Variants in PAH observed in about 807,000 individuals in gnomAD.
PAH encodes phenylalanine-4-hydroxylase.
In PAH, 64 loss-of-function variants were observed where a neutral mutation model predicts 62.0. The ratio of observed to expected loss-of-function variants is 1.03; its 90% CI spans 0.84 to 1.27. The LOEUF (loss-of-function observed/expected upper bound fraction) is 1.27. Among genes scored for constraint, PAH ranks in the 50% most tolerant of loss-of-function variants. The pLI, the probability that PAH is intolerant of heterozygous loss-of-function variation, is 0.00. For missense variants in PAH, 579 were observed against 542.8 expected (o/e 1.07, Z -0.66); for synonymous variants, 195 against 196.2 (o/e 0.99, Z 0.05).
At chr12:102,931,633 T>C (rs1391112738) in intron 1 of PAH, among the ~76,000 whole-genome samples, 1 of 152,210 alleles carries the variant, frequency 6.6e-6, no homozygotes, top group East Asian at 1.9e-4. Context: ...CATTGCTACT[T>C]CCCTCAATCT....
intron 2 of PAH, among the ~76,000 whole-genome samples, chr12:102,908,732 A>G (rs2136722255): frequency 6.6e-6 from 1 of 152,334 alleles, no homozygotes; most frequent in South Asian, 2.1e-4. Context: ...CACGTTATAA[A>G]CGAAAGACCA....
intron 2 of PAH, among the ~76,000 whole-genome samples, chr12:102,895,869 A>AAAAAAAATATAT (rs953209518): frequency 8.4e-6 from 1 of 118,744 alleles, no homozygotes; most frequent in African/African-American, 3.6e-5. Context: ...AAAAAAAAAA[A>AAAAAAAATATAT]ATATATATAT....
At chr12:102,880,837 A>C (rs1245373833) in intron 3 of PAH, among the ~76,000 whole-genome samples, 1 of 152,178 alleles carries the variant, frequency 6.6e-6, no homozygotes, top group Non-Finnish European at 1.5e-5. Context: ...GGAAATGGAA[A>C]GTGATGGGGA....
intron 2 of PAH, 67 bp from the exon 3 acceptor site, chr12:102,894,985 C>G: frequency 8.6e-7 from 1 of 1,165,304 alleles, no homozygotes; most frequent in South Asian, 1.2e-5. Flanking sequence ...AGATGCAGAA[C>G]CAGAACAGGA....
chr12:102,867,089 G>C (rs1876013393), intron 4 of PAH, among the ~76,000 whole-genome samples: 1 of 152,162 alleles, frequency 6.6e-6, no homozygotes, highest in South Asian at 2.1e-4. Flanking sequence ...TATTGCTCTT[G>C]CAATTTTTAA....
intron 4 of PAH, 68 bp downstream of exon 4, chr12:102,877,394 G>T: frequency 1.9e-6 from 2 of 1,060,688 alleles, no homozygotes; most frequent in Admixed American, 1.7e-5. Context: ...AGTAGAGAAG[G>T]TAAGAGGAAG....
At chr12:102,955,644 T>C (rs1355644896), upstream of PAH, among the ~76,000 whole-genome samples, 3 of 152,180 alleles carry the variant, frequency 2.0e-5, no homozygotes, top group African/African-American at 7.2e-5. Flanking sequence ...TAATTCCTAT[T>C]TCTGCAAGTG....
chr12:102,928,403 A>G (rs1237595155), intron 1 of PAH, among the ~76,000 whole-genome samples: 1 of 152,122 alleles, frequency 6.6e-6, no homozygotes, highest in Non-Finnish European at 1.5e-5. Context: ...AGTCTGAGAT[A>G]TTGTAGTCTT....
chr12:102,886,648 A>G (rs1877054184), intron 3 of PAH, among the ~76,000 whole-genome samples: 3 of 152,100 alleles, frequency 2.0e-5, no homozygotes. Flanking sequence ...TCACTCCAGG[A>G]GCACTTATTT....
intron 4 of PAH, 39 bp downstream of exon 4, chr12:102,877,423 G>A (rs772254181): frequency 1.0e-5 from 14 of 1,379,584 alleles, no homozygotes; most frequent in Middle Eastern, 1.8e-4. Flanking sequence ...GTGGAGGAGA[G>A]GCACTGAAAA....
intron 5 of PAH, among the ~76,000 whole-genome samples, chr12:102,866,024 A>T (rs1025156786): frequency 6.6e-6 from 1 of 151,416 alleles, no homozygotes; most frequent in Non-Finnish European, 1.5e-5. Flanking sequence ...AACATGTTTT[A>T]TATTTGCATT....
intron 1 of PAH, among the ~76,000 whole-genome samples, chr12:102,945,608 G>A (rs1879464835): frequency 6.6e-6 from 1 of 152,124 alleles, no homozygotes; most frequent in South Asian, 2.1e-4. Flanking sequence ...AGTACTGCCA[G>A]GCTATCACTG....
chr12:102,868,677 A>T (rs947331720), intron 4 of PAH, among the ~76,000 whole-genome samples: 1 of 151,922 alleles, frequency 6.6e-6, no homozygotes, highest in Non-Finnish European at 1.5e-5. Context: ...AAAAAAAAAT[A>T]AAACTGGGCA....
At chr12:102,922,431 A>T (rs1337595810) in intron 1 of PAH, among the ~76,000 whole-genome samples, 2 of 152,086 alleles carry the variant, frequency 1.3e-5, no homozygotes, top group East Asian at 3.8e-4. Flanking sequence ...TGAACTCATG[A>T]TCCACCCACC....
At chr12:102,884,440 T>C (rs887032497) in intron 3 of PAH, among the ~76,000 whole-genome samples, 41 of 152,210 alleles carry the variant, frequency 2.7e-4, no homozygotes, top group Non-Finnish European at 5.0e-4. Flanking sequence ...GCAAAGGGTG[T>C]GCACATCCTG....
intron 2 of PAH, among the ~76,000 whole-genome samples, chr12:102,902,558 C>T (rs1461015692): frequency 6.6e-6 from 1 of 152,184 alleles, no homozygotes; most frequent in African/African-American, 2.4e-5. Flanking sequence ...GATGGAACTT[C>T]TTACATGTTT....
intron 4 of PAH, among the ~76,000 whole-genome samples, chr12:102,867,839 CT>C (rs964606621): frequency 2.5e-5 from 2 of 81,372 alleles, no homozygotes; most frequent in African/African-American, 6.6e-5. Context: ...CTCTCTCCCC[CT>C]CTCTCTCTCT....
chr12:102,871,935 AAAAAAAAAAAAAAAATAT>A (rs1393263059), intron 4 of PAH, among the ~76,000 whole-genome samples: 18 of 85,228 alleles, frequency 2.1e-4, no homozygotes, highest in African/African-American at 6.8e-4. Flanking sequence ...AAAAAAAAAA[AAAAAAAAAAAAAAAATAT>A]ATATATATAT....
chr12:102,857,100 T>C (rs1875470180), intron 5 of PAH, among the ~76,000 whole-genome samples: 1 of 152,164 alleles, frequency 6.6e-6, no homozygotes, highest in African/African-American at 2.4e-5. Flanking sequence ...GATGAATGGC[T>C]AACTAGAATA....
Sources: allele counts gnomAD v4.1 joint callset (sites outside exome capture counted in the v4.1 genomes callset), GRCh38; gene constraint gnomAD v4.1.1; transcripts MANE v1.5; gene names NCBI Gene and HGNC (gene_info 2026-07-23, HGNC 2026-07-21).